Variants in FHIT observed in about 807,000 individuals in gnomAD.
FHIT encodes the protein fragile histidine triad diadenosine triphosphatase.
In FHIT, 19 loss-of-function variants were observed where a neutral mutation model predicts 17.9. That is an observed-to-expected ratio of 1.06 (90% CI 0.74 to 1.56). The LOEUF (loss-of-function observed/expected upper bound fraction) is 1.56. Among genes scored for constraint, FHIT ranks in the 40% most tolerant of loss-of-function variants. FHIT has a pLI of 0.00. For synonymous variants in FHIT, 81 were observed against 69.7 expected (o/e 1.16, Z -0.81); for missense variants, 248 against 189.2 (o/e 1.31, Z -1.82).
At chr3:60,866,794 T>C (rs782626743) in intron 3 of FHIT, among the ~76,000 whole-genome samples, 4 of 152,166 alleles carry the variant, frequency 2.6e-5, no homozygotes, top group Non-Finnish European at 5.9e-5. Context: ...GATATAATTA[T>C]CTTACCATCC....
chr3:60,834,308 C>T (rs1702444316), intron 3 of FHIT, among the ~76,000 whole-genome samples: 1 of 152,114 alleles, frequency 6.6e-6, no homozygotes, highest in Non-Finnish European at 1.5e-5. Context: ...TCAATATGTT[C>T]ATAGTGATAA....
chr3:61,178,539 A>G (rs2038226634), intron 2 of FHIT, among the ~76,000 whole-genome samples: 1 of 67,742 alleles, frequency 1.5e-5, no homozygotes, highest in Non-Finnish European at 2.8e-5. Context: ...TGTGACACTG[A>G]AGAAAAAAAC....
chr3:60,117,608 T>C (rs1705031036), intron 5 of FHIT, among the ~76,000 whole-genome samples: 1 of 151,998 alleles, frequency 6.6e-6, no homozygotes. Context: ...ATGTGAATTA[T>C]GGTTAAGTCG....
chr3:60,141,000 C>A (rs1019072986), intron 5 of FHIT, among the ~76,000 whole-genome samples: 3 of 152,040 alleles, frequency 2.0e-5, no homozygotes, highest in South Asian at 4.2e-4. Context: ...TCTGGTAACA[C>A]CAAAAGAAAT....
intron 5 of FHIT, among the ~76,000 whole-genome samples, chr3:60,496,181 T>C (rs140775754): frequency 2.3e-4 from 35 of 152,198 alleles, no homozygotes; most frequent in Middle Eastern, 6.8e-3. Flanking sequence ...CACTATCCCC[T>C]GTCCCGACCC....
At chr3:60,382,628 G>A (rs1480788325) in intron 5 of FHIT, among the ~76,000 whole-genome samples, 6 of 152,160 alleles carry the variant, frequency 3.9e-5, no homozygotes, top group Non-Finnish European at 8.8e-5. Flanking sequence ...CTATGCCACT[G>A]ATAAAGCTCC....
At chr3:59,783,541 T>C (rs571272905) in intron 8 of FHIT, among the ~76,000 whole-genome samples, 1 of 152,308 alleles carries the variant, frequency 6.6e-6, no homozygotes, top group East Asian at 1.9e-4. Flanking sequence ...CACAGCCCTC[T>C]CTCTCTGCCA....
At chr3:61,103,066 T>C (rs1217175163) in intron 2 of FHIT, among the ~76,000 whole-genome samples, 1 of 152,258 alleles carries the variant, frequency 6.6e-6, no homozygotes, top group Non-Finnish European at 1.5e-5. Flanking sequence ...AGTTCTGCTC[T>C]GATCTTCGTT....
intron 5 of FHIT, among the ~76,000 whole-genome samples, chr3:60,517,361 A>T (rs1406315959): frequency 2.6e-5 from 4 of 152,190 alleles, no homozygotes; most frequent in Non-Finnish European, 5.9e-5. Context: ...TATACCTTTC[A>T]CATATTCTTT....
intron 5 of FHIT, among the ~76,000 whole-genome samples, chr3:60,263,812 T>C (rs748006383): frequency 1.3e-5 from 2 of 151,872 alleles, no homozygotes; most frequent in Non-Finnish European, 2.9e-5. Context: ...AGAAATAAAG[T>C]CTTTAGCTTA....
Position 60,493,146 on chromosome 3 carries a change from G to T in FHIT, c.103+43714C>A, listed in dbSNP as rs137993815. On this transcript the variant is annotated intron_variant, in intron 5 of 9. Transcript: ENST00000492590. Reference sequence around the variant, plus strand: ...TATAAAGGTCAACTGGAATTTAGAGGAGTAAAAGAAATAAGGGTATTTTTG... The same window carrying T: ...TATAAAGGTCAACTGGAATTTAGAGTAGTAAAAGAAATAAGGGTATTTTTG... Among the ~76,000 whole-genome samples the T allele has an allele frequency of 1.6e-3, 241 of 152,152 alleles. 2 individuals carry two copies. Among genetic ancestry groups the T allele is most frequent in the Non-Finnish European group, 2.5e-3 (173 of 68,022 alleles).
chr3:60,797,455 CAGTAGTAGTAGTAGT>C lies in FHIT; in HGVS notation c.-18+24449_-18+24463del, dbSNP rs59090057. Among the ~76,000 whole-genome samples the C allele has an allele frequency of 2.5e-3, 368 of 148,042 alleles. 1 individual carries two copies. Among genetic ancestry groups the C allele is most frequent in the East Asian group, 8.1e-3 (41 of 5,050 alleles). On this transcript the variant is annotated intron_variant, in intron 4 of 9. Coordinates refer to ENST00000492590, the MANE Select transcript of FHIT (RefSeq NM_002012.4). Reference sequence around the variant, plus strand: ...GACAGATTCTGGCATAAAGAAATTGCAGTAGTAGTAGTAGTAGTAGTAGTAGTAGTAGTAGTAGTA... The same window carrying C: ...GACAGATTCTGGCATAAAGAAATTGCAGTAGTAGTAGTAGTAGTAGTAGTA...
rs547825625 is a variant in FHIT, at chr3:59,964,521, A to T, written c.280-42107T>A. On this transcript the variant is annotated intron_variant, in intron 7 of 9. Transcript: ENST00000492590. ...TTATACTTTACCTAGAAGGCTAGTGACTTAAGAATTTTGGTGGGAAGTTTC... is the reference window on the plus strand; with the variant it reads ...TTATACTTTACCTAGAAGGCTAGTGTCTTAAGAATTTTGGTGGGAAGTTTC... Among the ~76,000 whole-genome samples, 3 of 152,270 alleles carry T rather than the reference A, an allele frequency of 2.0e-5. No individual in the cohort carries two copies. In the South Asian group the frequency reaches 6.2e-4, roughly 32 times the overall value.
intron 5 of FHIT, among the ~76,000 whole-genome samples, chr3:60,326,691 A>G (rs559331643): frequency 1.3e-5 from 2 of 152,324 alleles, no homozygotes; most frequent in South Asian, 4.1e-4. Context: ...ATATTTAAAA[A>G]ATGGACGATG....
chr3:59,784,257 C>T (rs1328375577), intron 8 of FHIT, among the ~76,000 whole-genome samples: 1 of 152,198 alleles, frequency 6.6e-6, no homozygotes, highest in Admixed American at 6.5e-5. Context: ...CCACTATTTT[C>T]TTCCTCCTGG....
chr3:60,812,943 A>T (rs782644918), intron 4 of FHIT, among the ~76,000 whole-genome samples: 1 of 152,054 alleles, frequency 6.6e-6, no homozygotes, highest in Non-Finnish European at 1.5e-5. Context: ...AACTTATATA[A>T]CTATTGTAAG....
chr3:59,813,760 A>G (rs1476636064), intron 8 of FHIT, among the ~76,000 whole-genome samples: 1 of 152,178 alleles, frequency 6.6e-6, no homozygotes, highest in Non-Finnish European at 1.5e-5. Flanking sequence ...CCTTGCACAC[A>G]GTTGTATTCC....
chr3:60,963,014 C>T (rs1026461754), intron 3 of FHIT, among the ~76,000 whole-genome samples: 4 of 152,154 alleles, frequency 2.6e-5, no homozygotes, highest in African/African-American at 9.7e-5. Flanking sequence ...GTACCCGCTC[C>T]TCTTTGTACC....
intron 5 of FHIT, among the ~76,000 whole-genome samples, chr3:60,200,917 A>G (rs1702872107): frequency 1.3e-5 from 2 of 152,072 alleles, no homozygotes; most frequent in Admixed American, 1.3e-4. Flanking sequence ...CTGTCCATTC[A>G]TCCATTCAAC....
Sources: gnomAD v4.1 joint callset for allele counts (sites outside exome capture counted in the v4.1 genomes callset) on GRCh38, gnomAD v4.1.1 for gene constraint, MANE v1.5 for transcripts, NCBI Gene and HGNC (gene_info 2026-07-23, HGNC 2026-07-21) for gene names.